Variants in LIPT1 observed in about 807,000 individuals in gnomAD.
LIPT1 encodes the protein lipoyltransferase 1, also known as lipoyl amidotransferase LIPT1, mitochondrial.
A neutral mutation model predicts 25.1 loss-of-function variants in LIPT1; 22 were observed. That is an observed-to-expected ratio of 0.88 (90% confidence interval 0.63 to 1.25). LIPT1 has a LOEUF of 1.25. LIPT1 is among the 50% of genes most tolerant of loss of function. The pLI is 0.00. For missense variants in LIPT1, 399 were observed against 432.8 expected (o/e 0.92, Z 0.69); for synonymous variants, 131 against 150.8 (o/e 0.87, Z 0.96).
chr2:99,159,773 G>A (rs751206347), intron 1 of LIPT1, among the ~76,000 whole-genome samples: 14 of 152,244 alleles, frequency 9.2e-5, no homozygotes, highest in Non-Finnish European at 1.5e-4. Context: ...ATGCAGTCTC[G>A]GTTGCGAGGC....
At chr2:99,158,112 T>G (rs1434196316) in intron 1 of LIPT1, among the ~76,000 whole-genome samples, 1 of 152,120 alleles carries the variant, frequency 6.6e-6, no homozygotes, top group Non-Finnish European at 1.5e-5. Flanking sequence ...ATCTGAGACA[T>G]AGAAAAGTAA....
Position 99,162,427 on chromosome 2 carries a change from A to G in LIPT1, c.470A>G (p.Asp157Gly). 6.2e-7 allele frequency: 1 copy of G among 1,614,022 alleles called. No individual in the cohort carries two copies. Among genetic ancestry groups the G allele is most frequent in the Non-Finnish European group, 8.5e-7 (1 of 1,180,034 alleles). ...QATKRFDLLL[D>G]GQFKISGTAS... is the part of the protein sequence containing the mutation. ...ACCAAAAGATTTGACCTTTTACTTGATGGACAGTTTAAAATCTCAGGAACA... is the reference window on the plus strand; with the variant it reads ...ACCAAAAGATTTGACCTTTTACTTGGTGGACAGTTTAAAATCTCAGGAACA... Residue 157 changes from aspartate to glycine, a missense_variant, in exon 2 of 2, where the codon GAT becomes GGT. By Grantham distance (94) the Asp-to-Gly change is moderately conservative. Coordinates refer to ENST00000651691, the MANE Select transcript of LIPT1 (RefSeq NM_145199.3).
chr2:99,155,577 A>C (rs942890246), intron 1 of LIPT1: 3 of 455,094 alleles, frequency 6.6e-6, no homozygotes, highest in Non-Finnish European at 8.8e-6. Context: ...AACTTCAAAA[A>C]ATTAGTCATT....
At position 99,162,115 on chromosome 2, in the gene LIPT1, A is replaced by G; in HGVS notation, c.158A>G (p.Asp53Gly). ...QNLAVEDWIH[D>G]HMNLEGKPIL... is the part of the protein sequence containing the mutation. Reference sequence around the variant, plus strand: ...CTGGCTGTGGAAGACTGGATCCATGACCATATGAATCTAGAAGGCAAACCA... The same window carrying G: ...CTGGCTGTGGAAGACTGGATCCATGGCCATATGAATCTAGAAGGCAAACCA... The change falls in exon 2 of 2, where the codon GAC (aspartate) becomes GGC (glycine). Residue 53 changes from aspartate (D) to glycine (G), a missense_variant. Physicochemically the swap from Asp to Gly is moderately conservative, Grantham distance 94 (BLOSUM62 -1). Transcript: ENST00000651691. 1 of 1,614,148 alleles carries G rather than the reference A, an allele frequency of 6.2e-7. No homozygotes were observed. The highest frequency in any genetic ancestry group is 8.5e-7 in the Non-Finnish European group (1 of 1,179,996).
intron 1 of LIPT1, among the ~76,000 whole-genome samples, chr2:99,158,528 G>A (rs1328175461): frequency 4.6e-5 from 7 of 151,832 alleles, no homozygotes; most frequent in South Asian, 2.1e-4. Context: ...GCAGTGAGCC[G>A]TGATCACACC....
rs2093807840 is a variant in LIPT1, at chr2:99,162,860, C to G, written c.903C>G (p.Asp301Glu). The change falls in exon 2 of 2, where the codon GAC becomes GAG. Residue 301 changes from aspartate (D) to glutamate (E), a missense_variant. Coordinates refer to ENST00000651691, the MANE Select transcript of LIPT1 (RefSeq NM_145199.3). ...QSHLEIKVFI[D>E]IKNGRIEICN... ...ACTTGGAAATTAAAGTATTCATAGA[C>G]ATAAAGAATGGAAGAATTGAAATTT... 6.2e-7 allele frequency: 1 copy of G among 1,612,584 alleles called. No individual in the cohort carries two copies. The highest frequency in any genetic ancestry group is 8.5e-7 in the Non-Finnish European group (1 of 1,178,930).
chr2:99,161,334 A>G (rs1395178312), intron 1 of LIPT1: 4 of 114,574 alleles, frequency 3.5e-5, no homozygotes, highest in Non-Finnish European at 6.9e-5. Context: ...ATATATATAT[A>G]TATAGATTGA....
intron 1 of LIPT1, among the ~76,000 whole-genome samples, chr2:99,156,119 C>G (rs1215909485): frequency 1.3e-5 from 2 of 152,208 alleles, no homozygotes; most frequent in African/African-American, 4.8e-5. Flanking sequence ...GTCACATCCT[C>G]ACTGAGGTCT....
rs1256149357 is a variant in LIPT1 at position 99,162,478 on chromosome 2, C to T, written c.521C>T (p.Ala174Val). The T allele has an allele frequency of 6.2e-6, 10 of 1,613,962 alleles. No individual in the cohort carries two copies. In the South Asian group the frequency reaches 1.1e-4, roughly 18 times the overall value. Residue 174 changes from alanine (A) to valine (V), a missense_variant, in exon 2 of 2, where the codon GCC becomes GTC. Coordinates refer to ENST00000651691, the MANE Select transcript of LIPT1 (RefSeq NM_145199.3). ...GTASKIGRTTAYHHCTLLCST... is the reference protein window; with the variant it reads ...GTASKIGRTTVYHHCTLLCST... ...GCTTCTAAGATCGGCCGGACTACTG[C>T]CTATCACCATTGCACTTTATTATGT...
At chr2:99,155,415 C>T (rs964774598) in intron 1 of LIPT1, 9 of 451,466 alleles carry the variant, frequency 2.0e-5, no homozygotes, top group South Asian at 1.4e-4. Flanking sequence ...AGGGTCTTGG[C>T]GAGGTCTTAT....
chr2:99,158,605 A>T (rs1405953434), intron 1 of LIPT1, among the ~76,000 whole-genome samples: 2 of 152,172 alleles, frequency 1.3e-5, no homozygotes, highest in African/African-American at 4.8e-5. Context: ...TTATAATCTA[A>T]CATCTACTTC....
Position 99,155,050 on chromosome 2 carries a change from A to G in LIPT1, c.-3A>G, listed in dbSNP as rs2093735434. On this transcript the variant is annotated splice_region_variant and 5_prime_UTR_variant, in exon 1 of 2. Transcript: ENST00000651691. ...GGCCGTGGGTACGACCGGAAGCCGC[A>G]GGTGGGTGAAGCGGAAACGCTTCAA... 3 of 455,746 alleles carry G rather than the reference A, an allele frequency of 6.6e-6. No individual in the cohort carries two copies. Among genetic ancestry groups the G allele is most frequent in the South Asian group, 3.1e-5 (2 of 64,516 alleles). The allele number at this position is 455,746 out of a possible 1,614,324, so 28.2% of individuals were successfully genotyped here.
Position 99,162,762 on chromosome 2 carries a change from T to C in LIPT1, c.805T>C (p.Trp269Arg). ...INSKAKELQTWEWIYGKTPKF... is the reference protein window; with the variant it reads ...INSKAKELQTREWIYGKTPKF... ...TAGCAAAGCCAAAGAACTGCAAACT[T>C]GGGAGTGGATATATGGCAAAACTCC... Residue 269 changes from tryptophan to arginine, a missense_variant, in exon 2 of 2, where the codon TGG becomes CGG. Physicochemically the swap from Trp to Arg is moderately radical, Grantham distance 101 (BLOSUM62 -3). Transcript: ENST00000651691. 2 of 1,614,144 alleles carry C rather than the reference T, an allele frequency of 1.2e-6. No individual in the cohort carries two copies. Among genetic ancestry groups the C allele is most frequent in the Non-Finnish European group, 1.7e-6 (2 of 1,180,000 alleles).
intron 1 of LIPT1, 91 bp from the exon 2 acceptor site, chr2:99,161,866 G>A: frequency 8.4e-7 from 1 of 1,192,916 alleles, no homozygotes; most frequent in Non-Finnish European, 1.2e-6. Flanking sequence ...CTTTAAGTTT[G>A]GATTAAATAA....
At chr2:99,157,758 T>C (rs2093764393) in intron 1 of LIPT1, among the ~76,000 whole-genome samples, 1 of 152,238 alleles carries the variant, frequency 6.6e-6, no homozygotes, top group Non-Finnish European at 1.5e-5. Flanking sequence ...ATGTTGCTGC[T>C]CTTCAGTCTT....
chr2:99,162,214 TGAA>T lies in LIPT1; in HGVS notation c.258_260del (p.Asn87del). On this transcript the variant is annotated inframe_deletion, in exon 2 of 2. Coordinates refer to ENST00000651691, the MANE Select transcript of LIPT1 (RefSeq NM_145199.3). ...CAAAATCCTTGGCAGGAATGTAACC[TGAA>T]TCTAATGAGAGAAGAAGGTATAAAA... The T allele has an allele frequency of 6.2e-7, 1 of 1,613,994 alleles. No homozygotes were observed. Among genetic ancestry groups the T allele is most frequent in the Admixed American group, 1.7e-5 (1 of 60,014 alleles).
intron 1 of LIPT1, among the ~76,000 whole-genome samples, chr2:99,157,344 C>G (rs907594121): frequency 1.3e-5 from 2 of 152,210 alleles, no homozygotes; most frequent in Non-Finnish European, 2.9e-5. Context: ...ATCACTTTCT[C>G]AAGGACCTCC....
Position 99,162,488 on chromosome 2 carries a change from T to C in LIPT1, c.531T>C (p.His177=). 4 of 1,614,164 alleles carry C rather than the reference T, an allele frequency of 2.5e-6. No homozygotes were observed. The highest frequency in any genetic ancestry group is 3.4e-6 in the Non-Finnish European group (4 of 1,180,032). Residue 177 remains histidine, a synonymous_variant, in exon 2 of 2, where the codon CAT becomes CAC. Transcript: ENST00000651691. Reference sequence around the variant, plus strand: ...TCGGCCGGACTACTGCCTATCACCATTGCACTTTATTATGTAGTACTGATG... The same window carrying C: ...TCGGCCGGACTACTGCCTATCACCACTGCACTTTATTATGTAGTACTGATG... The part of the protein sequence containing the change: ...SKIGRTTAYH[H]CTLLCSTDGT...
rs1257228722 is a variant in LIPT1 at position 99,162,590 on chromosome 2, AG to A, written c.634del (p.Val212Ter). 6.2e-7 allele frequency: 1 copy of A among 1,614,016 alleles called. No homozygotes were observed. Among genetic ancestry groups the A allele is most frequent in the Non-Finnish European group, 8.5e-7 (1 of 1,180,026 alleles). On this transcript the variant is annotated frameshift_variant, in exon 2 of 2. Coordinates refer to ENST00000651691, the MANE Select transcript of LIPT1 (RefSeq NM_145199.3). LOFTEE classifies it high-confidence loss of function. ...SNATASIPSL[V>X]KNLLEKDPTL... Reference sequence around the variant, plus strand: ...ATGCCACTGCTAGCATACCTTCCTTAGTGAAAAATCTTTTGGAAAAGGATCC... The same window carrying A: ...ATGCCACTGCTAGCATACCTTCCTTATGAAAAATCTTTTGGAAAAGGATCC...
Sources: allele counts gnomAD v4.1 joint callset (sites outside exome capture counted in the v4.1 genomes callset), GRCh38; gene constraint gnomAD v4.1.1; transcripts MANE v1.5; gene names NCBI Gene and HGNC (gene_info 2026-07-23, HGNC 2026-07-21).